GLI3: variants seen among roughly 807,000 people sequenced by gnomAD.
GLI3 encodes GLI family zinc finger 3, also known as transcription activator GLI3.
In GLI3, 20 loss-of-function variants were observed where a neutral mutation model predicts 100.8. The ratio of observed to expected loss-of-function variants is 0.20; its 90% confidence interval spans 0.14 to 0.29. The LOEUF (loss-of-function observed/expected upper bound fraction) is 0.29. Ranked by LOEUF, GLI3 falls within the 10% of genes least tolerant of loss-of-function variation. The pLI is 1.00. For synonymous variants in GLI3, 938 were observed against 860.5 expected, an observed-to-expected ratio of 1.09 and a Z score of -1.58; for missense variants, 2,040 against 2,128.5, an observed-to-expected ratio of 0.96 and a Z score of 0.82.
chr7:42,219,800 G>A (rs138704907), intron 2 of GLI3, among the ~76,000 whole-genome samples: 80 of 151,796 alleles, frequency 5.3e-4, no homozygotes, highest in Non-Finnish European at 9.3e-4. Flanking sequence ...ATGAAATGGT[G>A]GATAGGAGAG....
At position 41,966,082 on chromosome 7, in the gene GLI3, C is replaced by T. The variant is rs769210797; in HGVS notation, c.2991G>A (p.Ala997=). ...TGGCCCTCCTCACGCCGTGGCCCGG[C>T]GCATCGTGCGGCTGCAGGTGGCGCC... ...YGRRHLQPHD[A]PGHGVRRASD... is the part of the protein sequence containing the mutation. Residue 997 remains alanine, a synonymous_variant, in exon 15 of 15, where the codon GCG becomes GCA. Transcript: ENST00000395925. The surrounding 1 kb of genome is among the most constrained non-coding windows in gnomAD (Gnocchi z 5.8). 4.5e-6 allele frequency: 7 copies of T among 1,568,102 alleles called. No individual in the cohort carries two copies. Among genetic ancestry groups the T allele is most frequent in the Non-Finnish European group, 6.0e-6 (7 of 1,163,280 alleles).
rs188388089 is a variant in GLI3, at chr7:42,038,370, C to A, written c.1028+1668G>T. Among the ~76,000 whole-genome samples, 556 of 151,162 alleles carry A rather than the reference C, an allele frequency of 3.7e-3. 1 individual carries two copies. Among genetic ancestry groups the A allele is most frequent in the Non-Finnish European group, 5.5e-3 (373 of 67,682 alleles). On this transcript the variant is annotated intron_variant, in intron 7 of 14. Coordinates refer to ENST00000395925, the MANE Select transcript of GLI3 (RefSeq NM_000168.6). ...CACCCCAGGTAGGAATCTCATCCTG[C>A]CATTGCAGATCCACACCAGCTTTAG...
chr7:42,114,317 A>C (rs1785792261), intron 3 of GLI3, among the ~76,000 whole-genome samples: 1 of 152,226 alleles, frequency 6.6e-6, no homozygotes, highest in South Asian at 2.1e-4. Context: ...TTGGTAGTCC[A>C]TAGAAGAAGG....
intron 2 of GLI3, among the ~76,000 whole-genome samples, chr7:42,213,611 T>C (rs1258795759): frequency 6.6e-6 from 1 of 152,190 alleles, no homozygotes; most frequent in African/African-American, 2.4e-5. Flanking sequence ...CAGCTCTGAG[T>C]CCATTCAATA....
At chr7:42,016,604 T>C (rs1788770744) in intron 10 of GLI3, among the ~76,000 whole-genome samples, 1 of 152,184 alleles carries the variant, frequency 6.6e-6, no homozygotes, top group Admixed American at 6.5e-5. Flanking sequence ...CTGTCTGCTT[T>C]GAAACACATT....
intron 2 of GLI3, among the ~76,000 whole-genome samples, chr7:42,180,711 G>A (rs1216086896): frequency 6.6e-6 from 1 of 152,218 alleles, no homozygotes; most frequent in Non-Finnish European, 1.5e-5. Context: ...TCCTGTTGGA[G>A]TGAAACTCCA....
At chr7:42,249,870 G>C (rs776236450) in intron 1 of GLI3, among the ~76,000 whole-genome samples, 1 of 152,104 alleles carries the variant, frequency 6.6e-6, no homozygotes, top group Non-Finnish European at 1.5e-5. Context: ...TGAGTTGGGC[G>C]AATCACTTGA....
At chr7:42,242,934 G>A (rs1788939911) in intron 1 of GLI3, among the ~76,000 whole-genome samples, 1 of 152,138 alleles carries the variant, frequency 6.6e-6, no homozygotes, top group African/African-American at 2.4e-5. Context: ...GATATTTCAA[G>A]GAAAGACAAG....
chr7:42,119,612 A>G (rs1447872757), intron 3 of GLI3, among the ~76,000 whole-genome samples: 1 of 152,190 alleles, frequency 6.6e-6, no homozygotes, highest in Non-Finnish European at 1.5e-5. Flanking sequence ...ACAGATAGAG[A>G]ACTGACACAA....
intron 2 of GLI3, among the ~76,000 whole-genome samples, chr7:42,183,049 C>T (rs1583628748): frequency 1.3e-5 from 2 of 151,896 alleles, no homozygotes; most frequent in South Asian, 2.1e-4. Flanking sequence ...GGTGAAACCC[C>T]GTCTCTACTA....
intron 3 of GLI3, among the ~76,000 whole-genome samples, chr7:42,088,325 C>G (rs192154627): frequency 1.3e-5 from 2 of 152,344 alleles, no homozygotes; most frequent in East Asian, 3.9e-4. Flanking sequence ...AGCCCCACAG[C>G]TGCCTGCAGG....
chr7:42,140,899 T>C (rs997049538), intron 3 of GLI3, among the ~76,000 whole-genome samples: 4 of 151,602 alleles, frequency 2.6e-5, no homozygotes, highest in African/African-American at 7.3e-5. Context: ...ATGGCAAGAG[T>C]TGCTGTTTCT....
At chr7:42,091,526 G>A (rs941605189) in intron 3 of GLI3, among the ~76,000 whole-genome samples, 2 of 152,234 alleles carry the variant, frequency 1.3e-5, no homozygotes, top group African/African-American at 4.8e-5. Context: ...TGGGGCCTGC[G>A]CACACTGTGC....
intron 2 of GLI3, among the ~76,000 whole-genome samples, chr7:42,182,665 T>TAC (rs1787629856): frequency 1.4e-5 from 1 of 72,588 alleles, no homozygotes; most frequent in African/African-American, 7.4e-5. Flanking sequence ...TATATATATA[T>TAC]ATATATATAT....
At chr7:42,155,992 GCTTCTGAA>G (rs1786993912) in intron 2 of GLI3, among the ~76,000 whole-genome samples, 1 of 152,114 alleles carries the variant, frequency 6.6e-6, no homozygotes, top group Non-Finnish European at 1.5e-5. Flanking sequence ...CCGGGAGGAT[GCTTCTGAA>G]CACTGATGAC....
intron 2 of GLI3, among the ~76,000 whole-genome samples, chr7:42,210,675 A>G (rs1010374172): frequency 6.6e-6 from 1 of 152,150 alleles, no homozygotes; most frequent in African/African-American, 2.4e-5. Flanking sequence ...TTTAAAAATC[A>G]TATCTTTTTT....
intron 10 of GLI3, among the ~76,000 whole-genome samples, chr7:42,001,129 C>G (rs2128721784): frequency 6.7e-6 from 1 of 150,100 alleles, no homozygotes; most frequent in African/African-American, 2.5e-5. Flanking sequence ...TCTGTAATCC[C>G]AGCTACGCAG....
chr7:42,259,008 T>C (rs1030344008), intron 1 of GLI3, among the ~76,000 whole-genome samples: 1 of 152,342 alleles, frequency 6.6e-6, no homozygotes, highest in South Asian at 2.1e-4. Flanking sequence ...CTCTTTTATG[T>C]GCTCTATCTC....
intron 3 of GLI3, among the ~76,000 whole-genome samples, chr7:42,082,470 G>A (rs561253928): frequency 2.6e-5 from 4 of 152,220 alleles, no homozygotes; most frequent in South Asian, 2.1e-4. Context: ...CTAGAGCAAC[G>A]TGTTTTGAGC....
Sources: allele counts gnomAD v4.1 joint callset (sites outside exome capture counted in the v4.1 genomes callset), GRCh38; gene constraint gnomAD v4.1.1; non-coding constraint Gnocchi (gnomAD v3.1); transcripts MANE v1.5; gene names NCBI Gene and HGNC (gene_info 2026-07-23, HGNC 2026-07-21).